The following TRIQK variants were observed in gnomAD, a reference collection of about 807,000 sequenced individuals.
TRIQK encodes the protein triple QxxK/R motif containing.
In TRIQK, 10 loss-of-function variants were observed where a neutral mutation model predicts 10.8. That is an observed-to-expected ratio of 0.92 (90% CI 0.57 to 1.57). The LOEUF is 1.57. Ranked by LOEUF, TRIQK falls within the 40% of genes most tolerant of loss-of-function variation. TRIQK has a pLI of 0.00. For missense variants in TRIQK, 107 were observed against 97.7 expected (o/e 1.09, Z -0.40); for synonymous variants, 33 against 33.7 (o/e 0.98, Z 0.07).
rs1051209162 is a variant in TRIQK, at chr8:92,885,035, A to G, written c.*1587T>C. ...TGGATTGGTCCGCTGTGGTGAGTAT[A>G]TAAGAACTCTTGGTCTGTCTCTTGA... On this transcript the variant is annotated 3_prime_UTR_variant, in exon 5 of 5. Coordinates refer to ENST00000521988, the MANE Select transcript of TRIQK (RefSeq NM_001171797.2). 1.3e-5 allele frequency: 6 copies of G among 455,724 alleles called. No individual in the cohort carries two copies. Among genetic ancestry groups the G allele is most frequent in the Admixed American group, 7.1e-5 (3 of 42,466 alleles). 28.2% of individuals were successfully genotyped at this position (455,724 alleles called of 1,614,324 possible).
intron 2 of TRIQK, chr8:92,941,200 G>A (rs1188309325): frequency 6.6e-6 from 1 of 152,230 alleles, no homozygotes; most frequent in Non-Finnish European, 1.5e-5. Context: ...CTAAGTAGCT[G>A]AGATGACAGG....
intron 2 of TRIQK, among the ~76,000 whole-genome samples, chr8:92,943,539 T>C (rs1296604919): frequency 6.6e-6 from 1 of 152,214 alleles, no homozygotes; most frequent in Non-Finnish European, 1.5e-5. Context: ...AGCCAACTGA[T>C]GTTCAACAAA....
At chr8:92,975,066 A>T (rs951119788) in intron 1 of TRIQK, among the ~76,000 whole-genome samples, 2 of 152,174 alleles carry the variant, frequency 1.3e-5, no homozygotes, top group East Asian at 3.9e-4. Flanking sequence ...CCTTCTGCTC[A>T]TGTTCCAAGG....
At chr8:92,901,361 G>C (rs536226255) in intron 3 of TRIQK, among the ~76,000 whole-genome samples, 13 of 152,222 alleles carry the variant, frequency 8.5e-5, no homozygotes, top group Non-Finnish European at 1.8e-4. Context: ...TCCTCATTCA[G>C]TATGATACTA....
chr8:92,971,825 A>G (rs1448285591), intron 1 of TRIQK, among the ~76,000 whole-genome samples: 1 of 152,212 alleles, frequency 6.6e-6, no homozygotes, highest in Admixed American at 6.5e-5. Context: ...ACCAAAAAAG[A>G]GCTCATATAG....
chr8:92,963,417 A>G (rs1417006198), intron 1 of TRIQK: 3 of 152,056 alleles, frequency 2.0e-5, no homozygotes, highest in East Asian at 1.9e-4. Flanking sequence ...AACAACCACA[A>G]TTCTTTTTAG....
At chr8:92,967,369 G>T (rs1812793502), upstream of TRIQK, among the ~76,000 whole-genome samples, 1 of 151,852 alleles carries the variant, frequency 6.6e-6, no homozygotes, top group African/African-American at 2.4e-5. Flanking sequence ...TGATGCAATT[G>T]TTGGAATAAA....
intron 2 of TRIQK, among the ~76,000 whole-genome samples, chr8:92,947,123 A>G (rs143353195): frequency 2.2e-3 from 335 of 152,062 alleles, no homozygotes; most frequent in Middle Eastern, 0.014. Context: ...TTTAGAGCCT[A>G]TTCTAAAGAC....
At chr8:93,006,124 A>G (rs1813268493) in intron 1 of TRIQK, among the ~76,000 whole-genome samples, 1 of 152,146 alleles carries the variant, frequency 6.6e-6, no homozygotes, top group African/African-American at 2.4e-5. Context: ...AGGGATCTAC[A>G]CTGAAAACTA....
At chr8:92,943,336 A>T (rs2130619881) in intron 2 of TRIQK, among the ~76,000 whole-genome samples, 1 of 152,300 alleles carries the variant, frequency 6.6e-6, no homozygotes, top group South Asian at 2.1e-4. Context: ...TAAAATTCAT[A>T]TGGACCCAGA....
chr8:92,931,634 T>C (rs1327027233), intron 2 of TRIQK, among the ~76,000 whole-genome samples: 1 of 152,216 alleles, frequency 6.6e-6, no homozygotes, highest in Non-Finnish European at 1.5e-5. Flanking sequence ...GAGACATGCT[T>C]ATCAATCATT....
intron 2 of TRIQK, among the ~76,000 whole-genome samples, chr8:92,939,706 AG>A (rs34715812): frequency 6.6e-6 from 1 of 152,136 alleles, no homozygotes; most frequent in African/African-American, 2.4e-5. Context: ...CTACTCAGGC[AG>A]GGAGATTCCC....
intron 1 of TRIQK, among the ~76,000 whole-genome samples, chr8:92,997,042 C>G (rs544145334): frequency 6.6e-6 from 1 of 151,942 alleles, no homozygotes; most frequent in Non-Finnish European, 1.5e-5. Flanking sequence ...ATGACCAATA[C>G]TCAATCATAC....
chr8:92,895,577 T>C (rs1026293102), intron 3 of TRIQK, among the ~76,000 whole-genome samples: 3 of 152,148 alleles, frequency 2.0e-5, no homozygotes, highest in Non-Finnish European at 4.4e-5. Flanking sequence ...AGAATGTTTG[T>C]AGAAACATGA....
Position 92,918,911 on chromosome 8 carries a change from T to C in TRIQK, c.-21-1901A>G, listed in dbSNP as rs541019576. On this transcript the variant is annotated intron_variant, in intron 2 of 4. Coordinates refer to ENST00000521988, the MANE Select transcript of TRIQK (RefSeq NM_001171797.2). ...GTTGATTTTTGTATATGATGAAAGA[T>C]AGAGAATCTACTTTCATTCTTCTGC... Among the ~76,000 whole-genome samples, 7 of 151,966 alleles carry C rather than the reference T, an allele frequency of 4.6e-5. No individual in the cohort carries two copies. The South Asian group carries it at 1.5e-3, about 31-fold the overall frequency.
intron 1 of TRIQK, among the ~76,000 whole-genome samples, chr8:92,996,594 A>G (rs1172708132): frequency 1.3e-5 from 2 of 152,040 alleles, no homozygotes; most frequent in Admixed American, 1.3e-4. Flanking sequence ...TTGATATTAT[A>G]AACTATAATT....
chr8:93,009,031 C>A (rs1341832880), intron 1 of TRIQK, among the ~76,000 whole-genome samples: 1 of 152,132 alleles, frequency 6.6e-6, no homozygotes, highest in Non-Finnish European at 1.5e-5. Context: ...AGTGAAGAGA[C>A]AATATGGATA....
chr8:93,011,199 CACACACATAT>C (rs771303806), intron 1 of TRIQK, among the ~76,000 whole-genome samples: 28 of 99,922 alleles, frequency 2.8e-4, no homozygotes, highest in Non-Finnish European at 5.4e-4. Context: ...CACACACACA[CACACACATAT>C]ATATATATAT....
chr8:92,906,439 T>C (rs1375568206), intron 3 of TRIQK, among the ~76,000 whole-genome samples: 1 of 152,094 alleles, frequency 6.6e-6, no homozygotes, highest in Non-Finnish European at 1.5e-5. Context: ...AATACAATTT[T>C]TAAATTTTTA....
Sources: allele counts gnomAD v4.1 joint callset (sites outside exome capture counted in the v4.1 genomes callset), GRCh38; gene constraint gnomAD v4.1.1; transcripts MANE v1.5; gene names NCBI Gene and HGNC (gene_info 2026-07-23, HGNC 2026-07-21).